The following CCR5AS variants were observed in gnomAD, a reference collection of about 807,000 sequenced individuals.
CCR5AS encodes CCR5 antisense RNA.
chr3:46,387,154 A>G (rs960248130), intron 2 of CCR5AS, among the ~76,000 whole-genome samples: 7 of 152,156 alleles, frequency 4.6e-5, no homozygotes, highest in African/African-American at 1.4e-4. Flanking sequence ...CCCCCTTCCT[A>G]CTATGAATTC....
In CCR5AS at chr3:46,385,719, A is replaced by ATTAT. The variant is rs199547307; in HGVS notation, n.391+7102_391+7105dup. Among the ~76,000 whole-genome samples the ATTAT allele has an allele frequency of 2.6e-3, 400 of 151,776 alleles. 2 individuals are homozygous for ATTAT. The highest frequency in any genetic ancestry group is 8.7e-3 in the African/African-American group (362 of 41,420). Reference sequence around the variant, plus strand: ...CTTGAGTATGCCTGCACTTCCCTTTATTATTTATTTATTTATTTATTATTT... The same window carrying ATTAT: ...CTTGAGTATGCCTGCACTTCCCTTTATTATTTATTTATTTATTTATTTATTATTT... On this transcript the variant is annotated intron_variant and non_coding_transcript_variant, in intron 2 of 3. Coordinates refer to ENST00000451485, the Ensembl canonical transcript of CCR5AS.
At chr3:46,373,890 G>A in intron 2 of CCR5AS, 1 of 1,611,472 alleles carries the variant, frequency 6.2e-7, no homozygotes, top group East Asian at 2.2e-5. Context: ...TTTCCAGCAA[G>A]AGGCTCCCGA....
chr3:46,374,441 A>G (rs1405551298), intron 2 of CCR5AS: 1 of 167,598 alleles, frequency 6.0e-6, no homozygotes, highest in Non-Finnish European at 1.5e-5. Flanking sequence ...GAATATGATT[A>G]GTAAAGAAAT....
At chr3:46,376,616 A>G (rs1256641164) in intron 2 of CCR5AS, among the ~76,000 whole-genome samples, 2 of 152,240 alleles carry the variant, frequency 1.3e-5, no homozygotes, top group Non-Finnish European at 2.9e-5. Context: ...ACTTACCCGC[A>G]GCCCTGAGTT....
At chr3:46,366,753 T>A (rs756468790) in intron 3 of CCR5AS, among the ~76,000 whole-genome samples, 1 of 152,182 alleles carries the variant, frequency 6.6e-6, no homozygotes, top group Admixed American at 6.5e-5. Context: ...CTGGTGGGTG[T>A]CATAAGACTC....
At chr3:46,379,282 T>G (rs1389122396) in intron 2 of CCR5AS, among the ~76,000 whole-genome samples, 1 of 151,144 alleles carries the variant, frequency 6.6e-6, no homozygotes, top group African/African-American at 2.4e-5. Flanking sequence ...TTTGGTTTTT[T>G]GTTCTTGCGA....
At chr3:46,382,900 G>C (rs1253415667) in intron 2 of CCR5AS, among the ~76,000 whole-genome samples, 1 of 152,168 alleles carries the variant, frequency 6.6e-6, no homozygotes, top group African/African-American at 2.4e-5. Context: ...ATCTGTAATT[G>C]GGGCTAATAA....
chr3:46,394,958 C>T (rs1575286854), intron 1 of CCR5AS, among the ~76,000 whole-genome samples: 1 of 151,990 alleles, frequency 6.6e-6, no homozygotes, highest in Admixed American at 6.6e-5. Flanking sequence ...CTATTTTGAA[C>T]TTCGGATTGC....
At chr3:46,383,590 T>C (rs913139853) in intron 2 of CCR5AS, among the ~76,000 whole-genome samples, 15 of 151,902 alleles carry the variant, frequency 9.9e-5, no homozygotes, top group Non-Finnish European at 2.2e-4. Flanking sequence ...GAGCAACCAA[T>C]AAACCCCACC....
intron 2 of CCR5AS, among the ~76,000 whole-genome samples, chr3:46,391,376 G>T (rs866926664): frequency 3.9e-5 from 6 of 152,190 alleles, no homozygotes; most frequent in Non-Finnish European, 8.8e-5. Context: ...ACCTTAAGGC[G>T]AGGGTAATTA....
rs1010818609 is a variant in CCR5AS at position 46,368,570 on chromosome 3, G to A, written n.565+2674C>T. ...GCACACTGCAAAGCTGTGCTTCCTT[G>A]TTTCAGCCTGTGAATCCTCACCTTG... On this transcript the variant is annotated intron_variant and non_coding_transcript_variant, in intron 3 of 3. Coordinates refer to ENST00000451485, the Ensembl canonical transcript of CCR5AS. 2.6e-5 allele frequency among the ~76,000 whole-genome samples: 4 copies of A among 152,176 alleles called. No individual in the cohort carries two copies. The East Asian group carries it at 5.8e-4, about 22-fold the overall frequency.
At chr3:46,379,025 A>AT (rs1224887957) in intron 2 of CCR5AS, among the ~76,000 whole-genome samples, 5 of 95,094 alleles carry the variant, frequency 5.3e-5, no homozygotes, top group Non-Finnish European at 1.2e-4. Context: ...TTTTACTTCT[A>AT]TTTTTTTTAT....
At chr3:46,377,971 G>C (rs921844471) in intron 2 of CCR5AS, among the ~76,000 whole-genome samples, 1 of 152,190 alleles carries the variant, frequency 6.6e-6, no homozygotes, top group Non-Finnish European at 1.5e-5. Context: ...TCCCACCGAA[G>C]TGCTGGGATT....
chr3:46,369,616 T>A (rs1395230017), intron 3 of CCR5AS, among the ~76,000 whole-genome samples: 1 of 152,194 alleles, frequency 6.6e-6, no homozygotes, highest in East Asian at 1.9e-4. Flanking sequence ...TATTAGGATT[T>A]GATCAAATAA....
chr3:46,384,600 G>A (rs1309145874), intron 2 of CCR5AS, among the ~76,000 whole-genome samples: 2 of 152,064 alleles, frequency 1.3e-5, no homozygotes, highest in African/African-American at 2.4e-5. Context: ...GAACAGTGTC[G>A]GGATAAGGCT....
At chr3:46,368,316 G>T (rs982590052) in intron 3 of CCR5AS, among the ~76,000 whole-genome samples, 1 of 152,244 alleles carries the variant, frequency 6.6e-6, no homozygotes, top group African/African-American at 2.4e-5. Flanking sequence ...CAAGAGCCAT[G>T]CAAACTGAGA....
rs564560532 is a variant in CCR5AS at position 46,383,537 on chromosome 3, C to A, written n.391+9288G>T. ...AGGATTTCATACCACGCGCCTCAGT[C>A]TACTTCCGGGGCCCTCATCCTCAGC... On this transcript the variant is annotated intron_variant and non_coding_transcript_variant, in intron 2 of 3. Coordinates refer to ENST00000451485, the Ensembl canonical transcript of CCR5AS. 3.4e-4 allele frequency among the ~76,000 whole-genome samples: 52 copies of A among 152,296 alleles called. No individual in the cohort carries two copies. The South Asian group carries it at 1.0e-2, about 29-fold the overall frequency.
Position 46,373,660 on chromosome 3 carries a change from T to C in CCR5AS, n.392-2243A>G, listed in dbSNP as rs748818705. 13 of 1,614,036 alleles carry C rather than the reference T, an allele frequency of 8.1e-6. No homozygotes were observed. In the East Asian group the frequency reaches 2.9e-4, roughly 36 times the overall value. On this transcript the variant is annotated intron_variant and non_coding_transcript_variant, in intron 2 of 3. Transcript: ENST00000451485. ...TTTCTCTTCTGGGCTCCCTACAACA[T>C]TGTCCTTCTCCTGAACACCTTCCAG...
intron 3 of CCR5AS, among the ~76,000 whole-genome samples, chr3:46,366,797 C>T (rs571501087): frequency 1.3e-5 from 2 of 152,270 alleles, no homozygotes; most frequent in African/African-American, 2.4e-5. Flanking sequence ...GGTAACAAAG[C>T]GTGGCACTGG....
Sources: allele counts gnomAD v4.1 joint callset (sites outside exome capture counted in the v4.1 genomes callset), GRCh38; gene constraint gnomAD v4.1.1; transcripts MANE v1.5; gene names NCBI Gene and HGNC (gene_info 2026-07-23, HGNC 2026-07-21).